The following MTUS2 variants were observed in gnomAD, a reference collection of about 807,000 sequenced individuals.
The protein encoded by MTUS2 is microtubule associated scaffold protein 2, also known as microtubule-associated tumor suppressor candidate 2.
In MTUS2, 40 loss-of-function variants were observed where a neutral mutation model predicts 114.1. The observed-to-expected ratio is 0.35, with a 90% CI of 0.27 to 0.46. The LOEUF (loss-of-function observed/expected upper bound fraction) is 0.46. Among genes scored for constraint, MTUS2 ranks in the 20% least tolerant of loss-of-function variants. MTUS2 has a pLI of 1.00. For missense variants in MTUS2, 1,679 were observed against 1,705.4 expected (o/e 0.98, Z 0.27); for synonymous variants, 688 against 672.0 (o/e 1.02, Z -0.37).
chr13:29,352,051 A>G (rs547954639), intron 7 of MTUS2, among the ~76,000 whole-genome samples: 252 of 152,102 alleles, frequency 1.7e-3, no homozygotes, highest in African/African-American at 5.8e-3. Flanking sequence ...CTCTTTTTGC[A>G]TGCATCTGCA....
At chr13:29,310,923 C>A (rs989353833) in intron 6 of MTUS2, among the ~76,000 whole-genome samples, 1 of 152,120 alleles carries the variant, frequency 6.6e-6, no homozygotes, top group African/African-American at 2.4e-5. Context: ...CATGGACAAG[C>A]CTGTTCAAAG....
chr13:28,875,945 G>T (rs1227383217), intron 2 of MTUS2, among the ~76,000 whole-genome samples: 1 of 152,150 alleles, frequency 6.6e-6, no homozygotes, highest in East Asian at 1.9e-4. Context: ...GACTTGGCTG[G>T]GTAGCGGAAT....
intron 5 of MTUS2, among the ~76,000 whole-genome samples, chr13:29,122,254 G>A (rs1891340203): frequency 6.6e-6 from 1 of 152,124 alleles, no homozygotes; most frequent in South Asian, 2.1e-4. Flanking sequence ...TGGTGGAAAT[G>A]ATGCTGTATT....
At chr13:29,377,914 A>G (rs952532282) in intron 8 of MTUS2, among the ~76,000 whole-genome samples, 12 of 152,246 alleles carry the variant, frequency 7.9e-5, no homozygotes, top group East Asian at 1.9e-4. Context: ...AGCATCGGCA[A>G]TGGAAGAGAG....
In MTUS2 at chr13:29,142,604, G is replaced by T. The variant is rs149963611; in HGVS notation, c.2644+41634G>T. Among the ~76,000 whole-genome samples the T allele has an allele frequency of 5.4e-3, 818 of 152,310 alleles. 12 individuals are homozygous for T. The highest frequency in any genetic ancestry group is 0.019 in the African/African-American group (781 of 41,564). ...GTCTGTAATCCCAGCTACTCAGGAG[G>T]CTGAGGCAGGAGAATCGCTTGAACC... On this transcript the variant is annotated intron_variant, in intron 5 of 15. Coordinates refer to ENST00000612955, the MANE Select transcript of MTUS2 (RefSeq NM_001033602.4).
At chr13:29,466,899 A>G (rs1879933901) in intron 9 of MTUS2, among the ~76,000 whole-genome samples, 1 of 151,594 alleles carries the variant, frequency 6.6e-6, no homozygotes, top group Non-Finnish European at 1.5e-5. Context: ...AAAAAAAAGA[A>G]AAGAAAGAAA....
At position 29,077,663 on chromosome 13, in the gene MTUS2, C is replaced by T. The variant is rs188555745; in HGVS notation, c.2447-23110C>T. On this transcript the variant is annotated intron_variant, in intron 4 of 15. Transcript: ENST00000612955. ...AGATTGTCAGCCCTGGTAGGGACTA[C>T]TCCTTCTTTGTTTCTGAATTTTCCA... Among the ~76,000 whole-genome samples the T allele has an allele frequency of 2.0e-4, 30 of 152,312 alleles. 1 individual carries two copies. The East Asian group carries it at 5.4e-3, about 27-fold the overall frequency.
intron 7 of MTUS2, among the ~76,000 whole-genome samples, chr13:29,330,497 T>C (rs533452113): frequency 2.8e-4 from 42 of 152,258 alleles, no homozygotes; most frequent in Non-Finnish European, 4.0e-4. Context: ...GTTTTAGTCG[T>C]GAAGTTTGCC....
At chr13:29,494,573 C>T (rs765868131) in intron 12 of MTUS2, among the ~76,000 whole-genome samples, 10 of 151,710 alleles carry the variant, frequency 6.6e-5, no homozygotes, top group Admixed American at 1.3e-4. Context: ...GAGGGAGAGT[C>T]ATTTTTATAG....
At chr13:29,421,083 C>T (rs150488596) in intron 8 of MTUS2, among the ~76,000 whole-genome samples, 55 of 152,154 alleles carry the variant, frequency 3.6e-4, no homozygotes, top group Admixed American at 2.4e-3. Flanking sequence ...TTTCTAAATC[C>T]TGGTTATTAT....
chr13:29,046,287 T>A (rs1887614449), intron 4 of MTUS2, among the ~76,000 whole-genome samples: 3 of 12,432 alleles, frequency 2.4e-4, no homozygotes, highest in African/African-American at 4.2e-4. Flanking sequence ...TAATTTTGTT[T>A]ATTTTTTTTG....
At chr13:29,051,600 A>G (rs902251552) in intron 4 of MTUS2, among the ~76,000 whole-genome samples, 18 of 152,218 alleles carry the variant, frequency 1.2e-4, no homozygotes, top group African/African-American at 4.1e-4. Context: ...AGCAACAGCT[A>G]GTATAGAGGG....
intron 9 of MTUS2, among the ~76,000 whole-genome samples, chr13:29,461,458 C>G (rs972302787): frequency 2.0e-5 from 3 of 152,214 alleles, no homozygotes; most frequent in Admixed American, 6.5e-5. Context: ...TCCCAGGAAG[C>G]AACCCTACAG....
chr13:29,255,928 T>C (rs962703078), intron 5 of MTUS2, among the ~76,000 whole-genome samples: 1 of 152,202 alleles, frequency 6.6e-6, no homozygotes, highest in Non-Finnish European at 1.5e-5. Context: ...CTACTGCCTT[T>C]ATTATCTGGC....
rs557932215 is a variant in MTUS2, at chr13:29,186,765, C to A, written c.2644+85795C>A. 2.6e-5 allele frequency among the ~76,000 whole-genome samples: 4 copies of A among 152,266 alleles called. No homozygotes were observed. The South Asian group carries it at 8.3e-4, about 32-fold the overall frequency. Reference sequence around the variant, plus strand: ...AAACTTTAGCAATACTATAAATCAACTAGACTTAATAGACATATATAGAAC... The same window carrying A: ...AAACTTTAGCAATACTATAAATCAAATAGACTTAATAGACATATATAGAAC... On this transcript the variant is annotated intron_variant, in intron 5 of 15. Coordinates refer to ENST00000612955, the MANE Select transcript of MTUS2 (RefSeq NM_001033602.4).
At chr13:29,428,956 C>G (rs1222497159) in intron 8 of MTUS2, 2 of 1,564,830 alleles carry the variant, frequency 1.3e-6, no homozygotes, top group Non-Finnish European at 1.8e-6. Flanking sequence ...GAGAGAAAGC[C>G]GTGAGCCAGC....
At chr13:29,350,910 G>A (rs1446377046) in intron 7 of MTUS2, among the ~76,000 whole-genome samples, 2 of 148,764 alleles carry the variant, frequency 1.3e-5, no homozygotes, top group Non-Finnish European at 3.0e-5. Flanking sequence ...CTTCCCAAAG[G>A]CCCCACTTAC....
intron 5 of MTUS2, among the ~76,000 whole-genome samples, chr13:29,168,094 C>A (rs1893393945): frequency 6.6e-6 from 1 of 152,040 alleles, no homozygotes; most frequent in Non-Finnish European, 1.5e-5. Context: ...TTGAAACAAG[C>A]CAAAATAACT....
At chr13:28,976,657 T>C (rs956141121) in intron 2 of MTUS2, among the ~76,000 whole-genome samples, 1 of 152,152 alleles carries the variant, frequency 6.6e-6, no homozygotes, top group Non-Finnish European at 1.5e-5. Context: ...GAGAAACATT[T>C]AGAAGTTAAA....
Sources: allele counts gnomAD v4.1 joint callset (sites outside exome capture counted in the v4.1 genomes callset), GRCh38; gene constraint gnomAD v4.1.1; transcripts MANE v1.5; gene names NCBI Gene and HGNC (gene_info 2026-07-23, HGNC 2026-07-21).